Variants in CACNG3 observed in about 807,000 individuals in gnomAD.
The protein encoded by CACNG3 is voltage-dependent calcium channel gamma-3 subunit.
Under a neutral mutation model 28.5 loss-of-function variants are expected in CACNG3, and 3 were observed. The observed-to-expected ratio is 0.11, with a 90% confidence interval of 0.05 to 0.27. The LOEUF (loss-of-function observed/expected upper bound fraction) is 0.27, where lower values mean the gene tolerates loss of function less well. Ranked by LOEUF, CACNG3 falls within the 10% of genes least tolerant of loss-of-function variation. CACNG3 has a pLI of 1.00. For missense variants in CACNG3, 236 were observed against 414.4 expected, an observed-to-expected ratio of 0.57 and a Z score of 3.74; for synonymous variants, 174 against 162.2, an observed-to-expected ratio of 1.07 and a Z score of -0.55.
chr16:24,331,835 G>T (rs903023524), intron 1 of CACNG3, among the ~76,000 whole-genome samples: 1 of 152,100 alleles, frequency 6.6e-6, no homozygotes, highest in Non-Finnish European at 1.5e-5. Flanking sequence ...TGCCTGGAAG[G>T]CTCTTCCCTC....
At chr16:24,276,647 C>A (rs934441329) in intron 1 of CACNG3, among the ~76,000 whole-genome samples, 3 of 152,168 alleles carry the variant, frequency 2.0e-5, no homozygotes, top group African/African-American at 7.2e-5. Context: ...GTCATTGTTC[C>A]ACCATCACTG....
chr16:24,311,753 G>T (rs1336567287), intron 1 of CACNG3, among the ~76,000 whole-genome samples: 2 of 152,082 alleles, frequency 1.3e-5, no homozygotes, highest in Non-Finnish European at 2.9e-5. Context: ...CTATTTGGGA[G>T]GCTGAGGCAG....
intron 1 of CACNG3, among the ~76,000 whole-genome samples, chr16:24,273,107 T>A (rs1251975310): frequency 6.6e-6 from 1 of 152,204 alleles, no homozygotes; most frequent in Non-Finnish European, 1.5e-5. Context: ...TATGGTTTCC[T>A]GTTCCTCATG....
chr16:24,256,662 C>A lies in CACNG3; in HGVS notation c.-93C>A. The A allele has an allele frequency of 1.2e-6, 1 of 827,046 alleles. No homozygotes were observed. Among genetic ancestry groups the A allele is most frequent in the Non-Finnish European group, 2.1e-6 (1 of 476,170 alleles). 51.2% of individuals were successfully genotyped at this position (827,046 alleles called of 1,614,324 possible). On this transcript the variant is annotated 5_prime_UTR_variant, in exon 1 of 4. In the 5' UTR this introduces an upstream ATG that the reference lacks. Transcript: ENST00000005284. This position sits in a 1 kb window ranked among gnomAD's most constrained non-coding sequence, Gnocchi z 4.6. The stretch of plus-strand genomic sequence containing the variant: ...AGGAGACCTGAATTTTTGGAAGAGC[C>A]TGTACTAGGTTACCCGGCTGCAGAG...
Position 24,295,424 on chromosome 16 carries a change from C to A in CACNG3, c.211+38459C>A, listed in dbSNP as rs181484175. On this transcript the variant is annotated intron_variant, in intron 1 of 3. Coordinates refer to ENST00000005284, the MANE Select transcript of CACNG3 (RefSeq NM_006539.4). ...CCAGAGACAGTGCAATTTCTGCCTA[C>A]GTTGTTGTTACTCTTCAAGGTGTTA... is the stretch of plus-strand genomic sequence containing the variant. 3.3e-5 allele frequency among the ~76,000 whole-genome samples: 5 copies of A among 152,270 alleles called. No individual in the cohort carries two copies. The East Asian group carries it at 9.6e-4, about 29-fold the overall frequency.
intron 1 of CACNG3, among the ~76,000 whole-genome samples, chr16:24,309,022 G>A (rs1899225862): frequency 6.6e-6 from 1 of 151,958 alleles, no homozygotes; most frequent in Non-Finnish European, 1.5e-5. Flanking sequence ...TTCTCATTTT[G>A]CAGTTGTGGA....
chr16:24,351,622 G>GGGAGGGAAGGGA (rs1555462393), intron 2 of CACNG3, among the ~76,000 whole-genome samples: 1 of 89,394 alleles, frequency 1.1e-5, no homozygotes, highest in African/African-American at 5.1e-5. Context: ...GAAGGGGAAG[G>GGGAGGGAAGGGA]AGGGGAAGGG....
chr16:24,359,528 T>A (rs942766795), intron 3 of CACNG3, among the ~76,000 whole-genome samples: 1 of 152,076 alleles, frequency 6.6e-6, no homozygotes, highest in East Asian at 1.9e-4. Flanking sequence ...CCCTGTACTC[T>A]GGAGAAAAAT....
chr16:24,312,151 G>A (rs1899272598), intron 1 of CACNG3, among the ~76,000 whole-genome samples: 1 of 152,208 alleles, frequency 6.6e-6, no homozygotes, highest in Non-Finnish European at 1.5e-5. Flanking sequence ...GGTTCACAGT[G>A]TGCCGGTGGG....
chr16:24,316,583 C>T (rs919171845), intron 1 of CACNG3, among the ~76,000 whole-genome samples: 3 of 152,208 alleles, frequency 2.0e-5, no homozygotes, highest in African/African-American at 7.2e-5. Context: ...ATTGATTCAT[C>T]TGTGGCTTCC....
intron 1 of CACNG3, among the ~76,000 whole-genome samples, chr16:24,335,257 T>C (rs1301374454): frequency 6.6e-6 from 1 of 151,990 alleles, no homozygotes; most frequent in Non-Finnish European, 1.5e-5. Context: ...CTGTCTGTAC[T>C]AAAAATATAA....
chr16:24,361,546 T>C lies in CACNG3; in HGVS notation c.631T>C (p.Ser211Pro), dbSNP rs1277908363. Reference protein sequence around the residue: ...IEKHQQLRAKSHSEFLKKSTF... With the variant: ...IEKHQQLRAKPHSEFLKKSTF... ...AAAACATCAGCAGTTACGAGCCAAA[T>C]CCCACTCGGAGTTCCTGAAGAAATC... is the stretch of plus-strand genomic sequence containing the variant. The change falls in exon 4 of 4, where the codon TCC becomes CCC. Residue 211 changes from serine to proline, a missense_variant. Physicochemically the swap from Ser to Pro is moderately conservative, Grantham distance 74. Around this residue, in one of 2 missense-constraint regions of CACNG3, gnomAD observed 116 missense variants for 151.0 expected, o/e 0.77. Transcript: ENST00000005284. The surrounding 1 kb of genome is among the most constrained non-coding windows in gnomAD (Gnocchi z 6.8). The C allele has an allele frequency of 1.9e-6, 3 of 1,613,796 alleles. No homozygotes were observed. Among genetic ancestry groups the C allele is most frequent in the Non-Finnish European group, 2.5e-6 (3 of 1,179,984 alleles).
intron 1 of CACNG3, among the ~76,000 whole-genome samples, chr16:24,274,165 C>T (rs111257345): frequency 0.013 from 1,898 of 140,960 alleles, 38 homozygotes; most frequent in African/African-American, 0.047. Flanking sequence ...CCAGCCTGGG[C>T]GACAGTGCGA....
intron 1 of CACNG3, among the ~76,000 whole-genome samples, chr16:24,335,152 G>A (rs1899685117): frequency 6.6e-6 from 1 of 152,166 alleles, no homozygotes; most frequent in Non-Finnish European, 1.5e-5. Flanking sequence ...AGGCACAGTG[G>A]CTCACACCTG....
At chr16:24,300,050 A>C (rs1899085007) in intron 1 of CACNG3, among the ~76,000 whole-genome samples, 2 of 152,216 alleles carry the variant, frequency 1.3e-5, no homozygotes, top group Admixed American at 1.3e-4. Flanking sequence ...AAAACCTGAA[A>C]GTACTGTCTG....
intron 3 of CACNG3, among the ~76,000 whole-genome samples, chr16:24,357,013 G>A (rs1196155892): frequency 6.6e-6 from 1 of 152,046 alleles, no homozygotes; most frequent in Non-Finnish European, 1.5e-5. Flanking sequence ...GAGGCGGGTG[G>A]ATCATGAGGT....
At chr16:24,299,892 G>A (rs184236919) in intron 1 of CACNG3, among the ~76,000 whole-genome samples, 74 of 152,090 alleles carry the variant, frequency 4.9e-4, no homozygotes, top group Non-Finnish European at 1.0e-3. Flanking sequence ...TGCCAATCAA[G>A]TTTTAATCAA....
intron 1 of CACNG3, among the ~76,000 whole-genome samples, chr16:24,320,373 C>A (rs1249009418): frequency 6.6e-6 from 1 of 152,170 alleles, no homozygotes; most frequent in Non-Finnish European, 1.5e-5. Context: ...TAAATAAAGA[C>A]CATGAATACT....
chr16:24,313,069 GAGGGAGGAAGGAAGGAAGGA>G (rs1436218573), intron 1 of CACNG3, among the ~76,000 whole-genome samples: 6 of 76,454 alleles, frequency 7.8e-5, no homozygotes, highest in African/African-American at 3.6e-4. Context: ...GAAAGCGAGG[GAGGGAGGAAGGAAGGAAGGA>G]AGGAAGGAAG....
Sources: gnomAD v4.1 joint callset for allele counts (sites outside exome capture counted in the v4.1 genomes callset) on GRCh38, gnomAD v4.1.1 for gene constraint, gnomAD v4.1.1 regional missense constraint, Gnocchi (gnomAD v3.1) non-coding constraint, MANE v1.5 for transcripts, NCBI Gene and HGNC (gene_info 2026-07-23, HGNC 2026-07-21) for gene names.